The following ERGIC1 variants were observed in gnomAD, a reference collection of about 807,000 sequenced individuals.
ERGIC1 encodes the protein endoplasmic reticulum-Golgi intermediate compartment protein 1.
In ERGIC1, 19 loss-of-function variants were observed where a neutral mutation model predicts 38.3. The observed-to-expected ratio is 0.50, with a 90% CI of 0.35 to 0.73. The LOEUF is 0.73. Among genes scored for constraint, ERGIC1 ranks in the 30% least tolerant of loss-of-function variants. The probability of loss-of-function intolerance (pLI) is 0.01; values close to 1 mark genes in which losing one functional copy is unlikely to be tolerated. For missense variants in ERGIC1, 294 were observed against 389.2 expected (o/e 0.76, Z 2.06); for synonymous variants, 124 against 157.6 (o/e 0.79, Z 1.60).
intron 5 of ERGIC1, chr5:172,915,547 G>T (rs1265799006): frequency 2.1e-6 from 1 of 470,084 alleles, no homozygotes. Flanking sequence ...TAAGTCAAGT[G>T]GGTGAACGCA....
chr5:172,876,294 T>C (rs1762138782), intron 1 of ERGIC1, among the ~76,000 whole-genome samples: 1 of 152,236 alleles, frequency 6.6e-6, no homozygotes, highest in East Asian at 1.9e-4. Flanking sequence ...CTAATTCTCT[T>C]AGTCTTTCTG....
At position 172,950,944 on chromosome 5, in the gene ERGIC1, G is replaced by T; in HGVS notation, c.*128G>T. The stretch of plus-strand genomic sequence containing the variant: ...CCCAAAGGGTGTGTGGGAAGTGGGG[G>T]GAAAGTAGAGGATGGCTCGATGTTT... On this transcript the variant is annotated 3_prime_UTR_variant, in exon 10 of 10. Transcript: ENST00000393784. 1 of 679,792 alleles carries T rather than the reference G, an allele frequency of 1.5e-6. No individual in the cohort carries two copies. Among genetic ancestry groups the T allele is most frequent in the Non-Finnish European group, 2.3e-6 (1 of 426,584 alleles). 42.1% of individuals were successfully genotyped at this position (679,792 alleles called of 1,614,324 possible). A position where few individuals can be genotyped will look rare whatever the true frequency, so the allele number is the denominator to read the frequency against.
At chr5:172,902,633 G>C (rs1762913054) in intron 3 of ERGIC1, among the ~76,000 whole-genome samples, 1 of 152,136 alleles carries the variant, frequency 6.6e-6, no homozygotes, top group African/African-American at 2.4e-5. Flanking sequence ...CCGGTGACTG[G>C]CTGTCGAGGG....
chr5:172,859,404 A>C (rs1761640138), intron 1 of ERGIC1, among the ~76,000 whole-genome samples: 1 of 150,520 alleles, frequency 6.6e-6, no homozygotes, highest in Non-Finnish European at 1.5e-5. Flanking sequence ...CCTCCTTATC[A>C]CCCTTCCCAG....
In ERGIC1 at chr5:172,834,529, C is replaced by T. The variant is rs571981669; in HGVS notation, c.20+96C>T. 1.0e-4 allele frequency: 119 copies of T among 1,185,962 alleles called. No homozygotes were observed. In the African/African-American group the frequency reaches 1.6e-3, roughly 16 times the overall value. The allele number at this position is 1,185,962 out of a possible 1,614,324, so 73.5% of individuals were successfully genotyped here. On this transcript the variant is annotated intron_variant, in intron 1 of 9. Transcript: ENST00000393784. The surrounding 1 kb of genome is among the most constrained non-coding windows in gnomAD (Gnocchi z 4.1). ...ACCCCTCCCGCCCTGCATGCAAAAGCGGCTCCCCGCCCTGTGCATGCCTCC... is the reference window on the plus strand; with the variant it reads ...ACCCCTCCCGCCCTGCATGCAAAAGTGGCTCCCCGCCCTGTGCATGCCTCC...
At chr5:172,949,665 T>C (rs570143) in intron 9 of ERGIC1, among the ~76,000 whole-genome samples, 2 of 146,176 alleles carry the variant, frequency 1.4e-5, no homozygotes, top group Non-Finnish European at 3.0e-5. Context: ...CGGGGGGGGG[T>C]ATGATTGGCA....
intron 9 of ERGIC1, among the ~76,000 whole-genome samples, chr5:172,938,734 C>T (rs1763937977): frequency 6.9e-6 from 1 of 145,294 alleles, no homozygotes; most frequent in Non-Finnish European, 1.5e-5. Context: ...GCCTGGGTAC[C>T]AGAGCGAGAC....
intron 9 of ERGIC1, among the ~76,000 whole-genome samples, chr5:172,943,228 G>T (rs1764049017): frequency 6.6e-6 from 1 of 152,132 alleles, no homozygotes; most frequent in Non-Finnish European, 1.5e-5. Context: ...TGAGGTTCTT[G>T]CGAGGTGGGG....
chr5:172,863,168 G>C (rs1408177128), intron 1 of ERGIC1, among the ~76,000 whole-genome samples: 2 of 152,116 alleles, frequency 1.3e-5, no homozygotes, highest in African/African-American at 4.8e-5. Flanking sequence ...CCAGGCTGCT[G>C]TCGAACTCCT....
At chr5:172,902,927 T>G (rs1762921656) in intron 3 of ERGIC1, among the ~76,000 whole-genome samples, 1 of 152,056 alleles carries the variant, frequency 6.6e-6, no homozygotes, top group African/African-American at 2.4e-5. Flanking sequence ...AACTCATGCC[T>G]CAGACTAGAA....
At chr5:172,886,904 T>A (rs1210290662) in intron 1 of ERGIC1, among the ~76,000 whole-genome samples, 1 of 151,822 alleles carries the variant, frequency 6.6e-6, no homozygotes, top group Non-Finnish European at 1.5e-5. Flanking sequence ...GGGATATGAG[T>A]AAATATGGAC....
intron 2 of ERGIC1, among the ~76,000 whole-genome samples, chr5:172,890,506 C>T (rs6896475): frequency 6.6e-6 from 1 of 152,000 alleles, no homozygotes; most frequent in South Asian, 2.1e-4. Flanking sequence ...GCTAACATAA[C>T]GGGAAGCCCA....
At chr5:172,852,273 C>A (rs1489907504) in intron 1 of ERGIC1, among the ~76,000 whole-genome samples, 2 of 152,144 alleles carry the variant, frequency 1.3e-5, no homozygotes, top group Non-Finnish European at 2.9e-5. Flanking sequence ...TTTCGTTTTC[C>A]AAAACGCAGG....
At chr5:172,892,073 T>TATTG (rs202237620) in intron 2 of ERGIC1, among the ~76,000 whole-genome samples, 1 of 146,816 alleles carries the variant, frequency 6.8e-6, no homozygotes, top group East Asian at 2.0e-4. Flanking sequence ...TTTTTTTTTT[T>TATTG]TTTTTTTTTT....
intron 3 of ERGIC1, chr5:172,897,821 C>T (rs1287884553): frequency 9.7e-6 from 4 of 414,144 alleles, no homozygotes; most frequent in Non-Finnish European, 1.8e-5. Flanking sequence ...GACTAACCCC[C>T]TTCCCATTTC....
intron 1 of ERGIC1, among the ~76,000 whole-genome samples, chr5:172,879,045 A>C (rs941551038): frequency 1.3e-5 from 2 of 152,164 alleles, no homozygotes. Flanking sequence ...AATGGCATCT[A>C]ATTTCATTAA....
chr5:172,847,515 T>G (rs181919137), intron 1 of ERGIC1, among the ~76,000 whole-genome samples: 143 of 152,164 alleles, frequency 9.4e-4, no homozygotes, highest in Non-Finnish European at 9.7e-4. Flanking sequence ...ATATATATTT[T>G]TTGTTGTTGT....
At chr5:172,838,559 T>G (rs976682443) in intron 1 of ERGIC1, among the ~76,000 whole-genome samples, 1 of 152,172 alleles carries the variant, frequency 6.6e-6, no homozygotes, top group Non-Finnish European at 1.5e-5. Flanking sequence ...AACCTTCAAA[T>G]GGGTCTCATT....
At chr5:172,911,969 G>A (rs895902068) in intron 4 of ERGIC1, among the ~76,000 whole-genome samples, 22 of 151,824 alleles carry the variant, frequency 1.4e-4, no homozygotes, top group African/African-American at 4.1e-4. Flanking sequence ...ATGTGTGTGC[G>A]TGTCTGTGAA....
Sources: allele counts gnomAD v4.1 joint callset (sites outside exome capture counted in the v4.1 genomes callset), GRCh38; gene constraint gnomAD v4.1.1; non-coding constraint Gnocchi (gnomAD v3.1); transcripts MANE v1.5; gene names NCBI Gene and HGNC (gene_info 2026-07-23, HGNC 2026-07-21).